The following IQCM variants were observed in gnomAD, a reference collection of about 807,000 sequenced individuals.
IQCM encodes the protein IQ motif containing M.
A neutral mutation model predicts 57.6 loss-of-function variants in IQCM; 45 were observed. The ratio of observed to expected loss-of-function variants is 0.78; its 90% confidence interval spans 0.62 to 1.00. IQCM has a LOEUF of 1.00. IQCM is among the 50% of genes least tolerant of loss of function. The probability of loss-of-function intolerance (pLI) is 0.00; values close to 1 mark genes in which losing one functional copy is unlikely to be tolerated. For synonymous variants in IQCM, 148 were observed against 158.9 expected (o/e 0.93, Z 0.51); for missense variants, 468 against 511.6 (o/e 0.91, Z 0.82).
intron 7 of IQCM, among the ~76,000 whole-genome samples, chr4:149,675,188 C>A (rs1309124221): frequency 6.6e-6 from 1 of 151,990 alleles, no homozygotes; most frequent in Non-Finnish European, 1.5e-5. Context: ...ATTAGTGTTA[C>A]AGAAATTGAC....
intron 13 of IQCM, among the ~76,000 whole-genome samples, chr4:149,364,757 G>T (rs925410650): frequency 2.6e-5 from 4 of 152,106 alleles, no homozygotes; most frequent in African/African-American, 9.7e-5. Flanking sequence ...AAAGAAGTCA[G>T]TCTGATTACC....
At chr4:149,449,928 T>C (rs1378477489) in intron 12 of IQCM, among the ~76,000 whole-genome samples, 2 of 151,734 alleles carry the variant, frequency 1.3e-5, no homozygotes, top group African/African-American at 2.4e-5. Flanking sequence ...AGAGCAAAAC[T>C]GGAGGAATCA....
intron 12 of IQCM, among the ~76,000 whole-genome samples, chr4:149,459,744 T>G (rs1185171943): frequency 6.6e-6 from 1 of 152,224 alleles, no homozygotes; most frequent in Non-Finnish European, 1.5e-5. Context: ...GATTAATTTA[T>G]GTCGTAGTAT....
At chr4:149,609,790 A>T (rs1326708723) in intron 8 of IQCM, among the ~76,000 whole-genome samples, 1 of 151,908 alleles carries the variant, frequency 6.6e-6, no homozygotes, top group Non-Finnish European at 1.5e-5. Flanking sequence ...TTCTAAATGG[A>T]GAAAAACTGA....
chr4:149,429,589 C>T (rs1247223864), intron 13 of IQCM, among the ~76,000 whole-genome samples: 1 of 151,864 alleles, frequency 6.6e-6, no homozygotes, highest in Non-Finnish European at 1.5e-5. Context: ...ACTCTATTTA[C>T]TCCTTGGTTC....
chr4:149,641,975 C>A (rs1269233054), intron 7 of IQCM, among the ~76,000 whole-genome samples: 1 of 152,040 alleles, frequency 6.6e-6, no homozygotes, highest in African/African-American at 2.4e-5. Context: ...GATAAATTAA[C>A]CAACATTAAT....
At chr4:149,661,393 G>T (rs1009877938) in intron 7 of IQCM, among the ~76,000 whole-genome samples, 1 of 151,994 alleles carries the variant, frequency 6.6e-6, no homozygotes, top group Admixed American at 6.6e-5. Flanking sequence ...ATCTATGTTC[G>T]TCAAGGATAT....
At chr4:149,599,134 T>G (rs1754041415) in intron 8 of IQCM, among the ~76,000 whole-genome samples, 1 of 152,146 alleles carries the variant, frequency 6.6e-6, no homozygotes, top group South Asian at 2.1e-4. Flanking sequence ...TAGCAGGTTT[T>G]TTCACAATAA....
intron 10 of IQCM, among the ~76,000 whole-genome samples, chr4:149,560,723 A>G (rs1338987168): frequency 1.3e-5 from 2 of 152,190 alleles, no homozygotes; most frequent in South Asian, 4.1e-4. Flanking sequence ...AGAATTTCAA[A>G]CCAAATTTTT....
At chr4:149,576,500 G>T (rs1579553791) in intron 9 of IQCM, among the ~76,000 whole-genome samples, 1 of 151,872 alleles carries the variant, frequency 6.6e-6, no homozygotes, top group African/African-American at 2.4e-5. Context: ...GTGGTATTTG[G>T]TTTTTTGTTC....
intron 7 of IQCM, among the ~76,000 whole-genome samples, chr4:149,648,697 A>G (rs1758874196): frequency 6.6e-6 from 1 of 152,086 alleles, no homozygotes; most frequent in Non-Finnish European, 1.5e-5. Flanking sequence ...GAATTGAACA[A>G]TGAGAACACA....
rs143016887 is a variant in IQCM at position 149,586,252 on chromosome 4, G to A, written c.749+1678C>T. 7.8e-3 allele frequency among the ~76,000 whole-genome samples: 1,190 copies of A among 151,748 alleles called. 8 individuals carry two copies. Among genetic ancestry groups the A allele is most frequent in the Non-Finnish European group, 0.012 (824 of 67,728 alleles). The stretch of plus-strand genomic sequence containing the variant: ...TATTTGCTTTAGAGGAAGTCTCTCC[G>A]TGGGAAGGTTTTTGAAAACAAATTC... On this transcript the variant is annotated intron_variant, in intron 9 of 13. Transcript: ENST00000636793.
chr4:149,513,618 T>C (rs1175833805), intron 12 of IQCM, among the ~76,000 whole-genome samples: 1 of 152,140 alleles, frequency 6.6e-6, no homozygotes, highest in African/African-American at 2.4e-5. Context: ...ATGGTGGAGT[T>C]AGGTTTCATG....
At chr4:149,764,827 G>T (rs1466389225) in intron 2 of IQCM, among the ~76,000 whole-genome samples, 1 of 152,074 alleles carries the variant, frequency 6.6e-6, no homozygotes, top group Non-Finnish European at 1.5e-5. Context: ...TCTCTGGTCA[G>T]GTATGGTATG....
At chr4:149,747,255 T>C (rs893497650) in intron 2 of IQCM, among the ~76,000 whole-genome samples, 1 of 152,176 alleles carries the variant, frequency 6.6e-6, no homozygotes, top group Non-Finnish European at 1.5e-5. Context: ...ATTAGGCATC[T>C]AAAATGTGCA....
At chr4:149,447,249 C>T (rs1205026043) in intron 12 of IQCM, among the ~76,000 whole-genome samples, 1 of 151,374 alleles carries the variant, frequency 6.6e-6, no homozygotes, top group African/African-American at 2.4e-5. Context: ...ACAGCAAATA[C>T]CAGTAAGGTC....
chr4:149,409,093 T>C (rs1405083248), intron 13 of IQCM, among the ~76,000 whole-genome samples: 1 of 152,138 alleles, frequency 6.6e-6, no homozygotes, highest in African/African-American at 2.4e-5. Context: ...TTCTGGAAAA[T>C]AAGGATGGGC....
At chr4:149,682,270 A>G in intron 6 of IQCM, 64 bp from the exon 7 acceptor site, 1 of 644,476 alleles carries the variant, frequency 1.6e-6, no homozygotes, top group Non-Finnish European at 2.2e-6. Context: ...CAAATCTTCA[A>G]CACTAAAGTT....
intron 9 of IQCM, among the ~76,000 whole-genome samples, chr4:149,570,700 A>G (rs1274156838): frequency 6.6e-6 from 1 of 152,096 alleles, no homozygotes; most frequent in Non-Finnish European, 1.5e-5. Context: ...GTATCATATG[A>G]TTCTAGTTTT....
Sources: allele counts gnomAD v4.1 joint callset (sites outside exome capture counted in the v4.1 genomes callset), GRCh38; gene constraint gnomAD v4.1.1; transcripts MANE v1.5; gene names NCBI Gene and HGNC (gene_info 2026-07-23, HGNC 2026-07-21).